Variants in TNN observed in about 807,000 individuals in gnomAD.
The protein encoded by TNN is tenascin N.
TNN carries 122 observed loss-of-function variants against 134.4 expected under a neutral mutation model. The observed-to-expected ratio is 0.91, with a 90% CI of 0.78 to 1.06. The LOEUF (loss-of-function observed/expected upper bound fraction) is 1.06. Ranked by LOEUF, TNN falls within the 50% of genes least tolerant of loss-of-function variation. The pLI, the probability that TNN is intolerant of heterozygous loss-of-function variation, is 0.00. For synonymous variants in TNN, 710 were observed against 670.3 expected (o/e 1.06, Z -0.91); for missense variants, 1,739 against 1,699.4 (o/e 1.02, Z -0.41).
rs529083923 is a variant in TNN at position 175,102,859 on chromosome 1, C to T, written c.2119+4264C>T. On this transcript the variant is annotated intron_variant, in intron 9 of 18. Transcript: ENST00000239462. ...TCTGAGGACTGCCAGCATGCTGTCACCTCTCAATCCCCCCTCTAAACAGGA... is the reference window on the plus strand; with the variant it reads ...TCTGAGGACTGCCAGCATGCTGTCATCTCTCAATCCCCCCTCTAAACAGGA... Among the ~76,000 whole-genome samples, 25 of 146,212 alleles carry T rather than the reference C, an allele frequency of 1.7e-4. 1 individual carries two copies. The highest frequency in any genetic ancestry group is 5.9e-4 in the African/African-American group (24 of 40,734).
At chr1:175,074,270 C>T (rs930376930) in intron 1 of TNN, among the ~76,000 whole-genome samples, 12 of 151,918 alleles carry the variant, frequency 7.9e-5, no homozygotes, top group African/African-American at 2.7e-4. Flanking sequence ...GCTGCTTGAA[C>T]CCAGGAATTC....
intron 6 of TNN, 85 bp from the exon 7 acceptor site, chr1:175,093,905 C>T: frequency 1.4e-6 from 2 of 1,405,942 alleles, no homozygotes; most frequent in South Asian, 1.4e-5. Flanking sequence ...CTAGGTCACC[C>T]AGGTGAACTA....
intron 15 of TNN, among the ~76,000 whole-genome samples, chr1:175,131,747 G>A (rs930807059): frequency 1.3e-5 from 2 of 152,090 alleles, no homozygotes; most frequent in South Asian, 2.1e-4. Flanking sequence ...ATTTAAGATC[G>A]TGACGGAGAG....
At position 175,108,647 on chromosome 1, in the gene TNN, G is replaced by A. The variant is rs527658947; in HGVS notation, c.2120-8292G>A. 2.2e-4 allele frequency among the ~76,000 whole-genome samples: 33 copies of A among 152,364 alleles called. No individual in the cohort carries two copies. In the East Asian group the frequency reaches 2.5e-3, roughly 12 times the overall value. Reference sequence around the variant, plus strand: ...TCAGCGAGAAATCGAGCGTAGCGCCGGTGGGCTGGCACTGCTGGGGGACCC... The same window carrying A: ...TCAGCGAGAAATCGAGCGTAGCGCCAGTGGGCTGGCACTGCTGGGGGACCC... On this transcript the variant is annotated intron_variant, in intron 9 of 18. Transcript: ENST00000239462.
Position 175,129,500 on chromosome 1 carries a change from G to C in TNN, c.3330+754G>C, listed in dbSNP as rs562862171. Among the ~76,000 whole-genome samples the C allele has an allele frequency of 1.5e-3, 226 of 151,198 alleles. 1 individual carries two copies. Among genetic ancestry groups the C allele is most frequent in the Non-Finnish European group, 2.2e-3 (146 of 67,816 alleles). ...CTAGAACAGGCTTGGTTAGACTAAG[G>C]CTGATGACTATGAAGGCTTGTGAGT... is the stretch of plus-strand genomic sequence containing the variant. On this transcript the variant is annotated intron_variant, in intron 15 of 18. Coordinates refer to ENST00000239462, the MANE Select transcript of TNN (RefSeq NM_022093.2).
rs74128565 is a variant in TNN at position 175,077,341 on chromosome 1, A to G, written c.-35-43A>G. On this transcript the variant is annotated intron_variant, in intron 1 of 18. Transcript: ENST00000239462. ...GGTAAAAAAAAAGCCAGCTTCCCTC[A>G]GCACATCTCCGTGGCTTTCTTTTGC... 8,685 of 1,464,906 alleles carry G rather than the reference A, an allele frequency of 5.9e-3. 457 individuals carry two copies. The African/African-American group carries it at 0.11, about 19-fold the overall frequency. The allele number at this position is 1,464,906 out of a possible 1,614,324, so 90.7% of individuals were successfully genotyped here.
chr1:175,144,356 G>T, intron 17 of TNN, 31 bp from the exon 18 acceptor site: 1 of 1,606,154 alleles, frequency 6.2e-7, no homozygotes, highest in East Asian at 2.2e-5. Flanking sequence ...GCTAACCCTG[G>T]GCTCTCGCCT....
chr1:175,118,499 C>G (rs1675247157), intron 10 of TNN, 62 bp from the exon 11 acceptor site: 1 of 1,589,288 alleles, frequency 6.3e-7, no homozygotes, highest in South Asian at 1.1e-5. Flanking sequence ...GCAAAATGAC[C>G]ACCAGTTTCT....
At chr1:175,144,839 G>T (rs369841204) in intron 18 of TNN, among the ~76,000 whole-genome samples, 3 of 152,262 alleles carry the variant, frequency 2.0e-5, no homozygotes, top group African/African-American at 7.2e-5. Flanking sequence ...TCTGCACGCT[G>T]TCTCATTTTA....
chr1:175,079,457 C>T lies in TNN; in HGVS notation c.534C>T (p.His178=), dbSNP rs199596332. 780 of 1,569,514 alleles carry T rather than the reference C, an allele frequency of 5.0e-4. 5 individuals carry two copies. The African/African-American group carries it at 9.3e-3, about 19-fold the overall frequency. Residue 178 remains histidine, a synonymous_variant, in exon 3 of 19, where the codon CAC becomes CAT. Transcript: ENST00000239462. ...RLACPGACSG[H]GRCVDGRCLC... ...CCTGCCCCGGGGCGTGCAGCGGCCACGGGCGTTGCGTGGACGGGCGCTGCC... is the reference window on the plus strand; with the variant it reads ...CCTGCCCCGGGGCGTGCAGCGGCCATGGGCGTTGCGTGGACGGGCGCTGCC...
chr1:175,089,453 C>T (rs1002483291), intron 6 of TNN, among the ~76,000 whole-genome samples: 4 of 152,166 alleles, frequency 2.6e-5, no homozygotes, highest in Admixed American at 1.3e-4. Flanking sequence ...AGCAAGCATA[C>T]GCCAGGCCAG....
At position 175,118,562 on chromosome 1, in the gene TNN, C is replaced by T; in HGVS notation, c.2388C>T (p.Asp796=). The T allele has an allele frequency of 1.2e-6, 2 of 1,610,948 alleles. No individual in the cohort carries two copies. Among genetic ancestry groups the T allele is most frequent in the South Asian group, 2.2e-5 (2 of 90,492 alleles). The change falls in exon 11 of 19, where the codon GAC becomes GAT. Residue 796 remains aspartate (D), a splice_region_variant and synonymous_variant. Transcript: ENST00000239462. ...ATTGGTCAGCATTTTTTTTTTCAGA[C>T]ATTGACAGCCCCCAAAACCTGGTCA... is the stretch of plus-strand genomic sequence containing the variant. ...SKKADTKAQT[D]IDSPQNLVTD... is the part of the protein sequence containing the mutation.
chr1:175,133,317 C>A (rs189062722), intron 15 of TNN, among the ~76,000 whole-genome samples: 4 of 152,338 alleles, frequency 2.6e-5, no homozygotes, highest in African/African-American at 9.6e-5. Flanking sequence ...GTGAATGGCA[C>A]CCAACTCTGC....
chr1:175,127,083 A>G lies in TNN; in HGVS notation c.3043A>G (p.Lys1015Glu), dbSNP rs1255920812. ...TTACCAGTTCCCAGATGGCACAGTTAAGGTACGGGGATTCCTTGTCTTTTC... is the reference window on the plus strand; with the variant it reads ...TTACCAGTTCCCAGATGGCACAGTTGAGGTACGGGGATTCCTTGTCTTTTC... ...LTYQFPDGTV[K>E]EMQLGREDQR... The change falls in exon 13 of 19, where the codon AAG becomes GAG. Residue 1015 changes from lysine to glutamate, a missense_variant and splice_region_variant. Coordinates refer to ENST00000239462, the MANE Select transcript of TNN (RefSeq NM_022093.2). 1 of 1,613,356 alleles carries G rather than the reference A, an allele frequency of 6.2e-7. No individual in the cohort carries two copies. Among genetic ancestry groups the G allele is most frequent in the East Asian group, 2.2e-5 (1 of 44,876 alleles).
chr1:175,119,037 A>G (rs1320940858), intron 11 of TNN, among the ~76,000 whole-genome samples: 1 of 152,266 alleles, frequency 6.6e-6, no homozygotes, highest in Non-Finnish European at 1.5e-5. Context: ...AACGTGTTAT[A>G]GGAAAGGCGT....
At chr1:175,136,705 C>A in intron 16 of TNN, 116 bp from the exon 17 acceptor site, 2 of 931,114 alleles carry the variant, frequency 2.1e-6, no homozygotes, top group Non-Finnish European at 1.6e-6. Flanking sequence ...CCCTTATTAG[C>A]AGAGAAGGTA....
chr1:175,096,015 A>G (rs1403501614), intron 7 of TNN, among the ~76,000 whole-genome samples: 2 of 152,260 alleles, frequency 1.3e-5, no homozygotes, highest in Non-Finnish European at 2.9e-5. Flanking sequence ...TGGGGGCACA[A>G]ACATGAAGGA....
At chr1:175,128,004 G>C (rs773880760) in intron 13 of TNN, 28 bp from the exon 14 acceptor site, 2 of 1,613,798 alleles carry the variant, frequency 1.2e-6, no homozygotes, top group Middle Eastern at 1.7e-4. Flanking sequence ...TGAGTCACTG[G>C]CTGTCTAATC....
intron 10 of TNN, among the ~76,000 whole-genome samples, chr1:175,117,846 G>A (rs574630213): frequency 1.3e-5 from 2 of 152,264 alleles, no homozygotes; most frequent in Admixed American, 1.3e-4. Context: ...CAGAGTGTAC[G>A]TTGGCCAGAG....
Sources: allele counts gnomAD v4.1 joint callset (sites outside exome capture counted in the v4.1 genomes callset), GRCh38; gene constraint gnomAD v4.1.1; transcripts MANE v1.5; gene names NCBI Gene and HGNC (gene_info 2026-07-23, HGNC 2026-07-21).